The following FAM133B variants were observed in gnomAD, a reference collection of about 807,000 sequenced individuals.
The protein encoded by FAM133B is family with sequence similarity 133 member B.
In FAM133B, 25 loss-of-function variants were observed where a neutral mutation model predicts 46.4. The ratio of observed to expected loss-of-function variants is 0.54; its 90% confidence interval spans 0.39 to 0.75. The LOEUF (loss-of-function observed/expected upper bound fraction) is 0.75. Among genes scored for constraint, FAM133B ranks in the 30% least tolerant of loss-of-function variants. The pLI is 0.00. For missense variants in FAM133B, 205 were observed against 277.6 expected (o/e 0.74, Z 1.86); for synonymous variants, 75 against 86.0 (o/e 0.87, Z 0.71).
intron 2 of FAM133B, among the ~76,000 whole-genome samples, chr7:92,579,935 G>C (rs191819997): frequency 2.6e-5 from 4 of 152,310 alleles, no homozygotes; most frequent in Non-Finnish European, 5.9e-5. Context: ...ATACTTAAAA[G>C]ACTGGCCCTA....
chr7:92,581,809 TGTGTGTG>T (rs1244309967), intron 1 of FAM133B: 10 of 433,464 alleles, frequency 2.3e-5, no homozygotes, highest in African/African-American at 2.2e-4. Flanking sequence ...TGTGTGTGTG[TGTGTGTG>T]TGTGTGTGTG....
intron 1 of FAM133B, among the ~76,000 whole-genome samples, chr7:92,588,570 T>C (rs1278905970): frequency 6.6e-6 from 1 of 152,180 alleles, no homozygotes; most frequent in African/African-American, 2.4e-5. Flanking sequence ...TCCTAGACAT[T>C]TTCCATTATA....
At chr7:92,565,944 A>C (rs1794333375) in intron 10 of FAM133B, 70 bp downstream of exon 10, 1 of 1,514,552 alleles carries the variant, frequency 6.6e-7, no homozygotes, top group African/African-American at 1.4e-5. Context: ...ATCAAGCTTT[A>C]CCATGACTCA....
intron 1 of FAM133B, among the ~76,000 whole-genome samples, chr7:92,586,439 A>C (rs531262257): frequency 6.6e-6 from 1 of 152,360 alleles, no homozygotes; most frequent in African/African-American, 2.4e-5. Flanking sequence ...TTTTTGTATC[A>C]GTGTGAAAAA....
At position 92,575,761 on chromosome 7, in the gene FAM133B, GTA is replaced by G; in HGVS notation, c.516+8_516+9del. 1 of 1,347,422 alleles carries G rather than the reference GTA, an allele frequency of 7.4e-7. No individual in the cohort carries two copies. The allele number at this position is 1,347,422 out of a possible 1,614,324, so 83.5% of individuals were successfully genotyped here. On this transcript the variant is annotated splice_region_variant and intron_variant, in intron 8 of 10. Coordinates refer to ENST00000445716, the MANE Select transcript of FAM133B (RefSeq NM_152789.4). ...CAGACTATCTTAAGGCAATGTAAAA[GTA>G]TAGTTACCTTTTCTTTCTCAGTTCC... is the stretch of plus-strand genomic sequence containing the variant.
intron 10 of FAM133B, among the ~76,000 whole-genome samples, chr7:92,563,469 T>A (rs1175398577): frequency 6.6e-6 from 1 of 152,182 alleles, no homozygotes; most frequent in South Asian, 2.1e-4. Context: ...TTTTCTTCTA[T>A]CACAAAGACC....
intron 8 of FAM133B, among the ~76,000 whole-genome samples, chr7:92,574,608 T>A (rs1585305265): frequency 6.6e-6 from 1 of 152,170 alleles, no homozygotes; most frequent in Non-Finnish European, 1.5e-5. Flanking sequence ...TCATTTTCTA[T>A]CATTAAAAAA....
chr7:92,579,183 C>T (rs944982433), intron 3 of FAM133B, 134 bp downstream of exon 3: 2 of 653,674 alleles, frequency 3.1e-6, no homozygotes, highest in African/African-American at 1.9e-5. Flanking sequence ...CGGGGGGGGG[C>T]CTTACTTTGT....
At position 92,570,561 on chromosome 7, in the gene FAM133B, T is replaced by C. The variant is rs557948135; in HGVS notation, c.517-646A>G. On this transcript the variant is annotated intron_variant, in intron 8 of 10. Coordinates refer to ENST00000445716, the MANE Select transcript of FAM133B (RefSeq NM_152789.4). ...ATTTATTCGAGCTGCATAGTGGATA[T>C]GCTGGTTATCATTTTATTATTTTTC... Among the ~76,000 whole-genome samples, 97 of 152,282 alleles carry C rather than the reference T, an allele frequency of 6.4e-4. 2 individuals are homozygous for C. The highest frequency in any genetic ancestry group is 1.6e-4 in the Non-Finnish European group (11 of 67,972).
chr7:92,580,294 T>G (rs1794830613), intron 2 of FAM133B, among the ~76,000 whole-genome samples: 1 of 150,378 alleles, frequency 6.6e-6, no homozygotes, highest in East Asian at 2.0e-4. Context: ...AGCATCTTGC[T>G]ACGTTGCCCA....
At chr7:92,579,899 G>T (rs573615991) in intron 2 of FAM133B, among the ~76,000 whole-genome samples, 2 of 152,102 alleles carry the variant, frequency 1.3e-5, no homozygotes, top group Non-Finnish European at 2.9e-5. Flanking sequence ...AATACAGCTC[G>T]CCTGACTGCT....
intron 6 of FAM133B, 132 bp from the exon 7 acceptor site, chr7:92,577,327 T>C (rs1794732924): frequency 5.6e-6 from 3 of 537,890 alleles, no homozygotes; most frequent in Non-Finnish European, 9.3e-6. Flanking sequence ...TTCTTAATAC[T>C]TAATACATCA....
At chr7:92,576,369 C>T (rs1297431341) in intron 7 of FAM133B, among the ~76,000 whole-genome samples, 1 of 149,092 alleles carries the variant, frequency 6.7e-6, no homozygotes, top group Non-Finnish European at 1.5e-5. Flanking sequence ...GAGACTAGCT[C>T]TTCTGCTTTA....
intron 3 of FAM133B, 96 bp downstream of exon 3, chr7:92,579,221 C>T (rs1243747082): frequency 1.9e-5 from 20 of 1,033,570 alleles, no homozygotes. Flanking sequence ...AACTCCTGGC[C>T]TCCCGTTTCG....
At chr7:92,580,258 A>C (rs887651529) in intron 2 of FAM133B, among the ~76,000 whole-genome samples, 29 of 151,032 alleles carry the variant, frequency 1.9e-4, no homozygotes, top group Non-Finnish European at 3.4e-4. Flanking sequence ...AAAAAAAAAA[A>C]ACACATAAAT....
chr7:92,578,308 AGTG>A lies in FAM133B; in HGVS notation c.276+8_276+10del. ...AGATTAAGAATAGCAATAAACTAAA[AGTG>A]GTATTACCTGTCTTTTTTTGGATGA... On this transcript the variant is annotated splice_region_variant and intron_variant, in intron 4 of 10. Transcript: ENST00000445716. The A allele has an allele frequency of 6.2e-7, 1 of 1,612,628 alleles. No homozygotes were observed. Among genetic ancestry groups the A allele is most frequent in the Non-Finnish European group, 8.5e-7 (1 of 1,178,872 alleles).
chr7:92,566,440 A>G (rs1377706326), intron 9 of FAM133B, among the ~76,000 whole-genome samples: 1 of 151,648 alleles, frequency 6.6e-6, no homozygotes, highest in South Asian at 2.1e-4. Context: ...CCTGAGCAAC[A>G]TAGTGAGAGC....
chr7:92,582,837 G>C (rs1354379376), intron 1 of FAM133B, among the ~76,000 whole-genome samples: 1 of 152,154 alleles, frequency 6.6e-6, no homozygotes, highest in Admixed American at 6.6e-5. Flanking sequence ...AAAATTGCAA[G>C]GGTTAGCAAG....
rs1481149638 is a variant in FAM133B, at chr7:92,577,167, T to C, written c.401A>G (p.Lys134Arg). 6.0e-6 allele frequency: 9 copies of C among 1,500,668 alleles called. No individual in the cohort carries two copies. In the Admixed American group the frequency reaches 8.8e-5, roughly 15 times the overall value. 93.0% of individuals were successfully genotyped at this position (1,500,668 alleles called of 1,614,324 possible). A position where few individuals can be genotyped will look rare whatever the true frequency, so the allele number is the denominator to read the frequency against. Residue 134 changes from lysine to arginine, a missense_variant, in exon 7 of 11, where the codon AAA (lysine) becomes AGA (arginine). Physicochemically the swap from Lys to Arg is conservative, Grantham distance 26 (BLOSUM62 2). Coordinates refer to ENST00000445716, the MANE Select transcript of FAM133B (RefSeq NM_152789.4). ...AGATTTATGTGAACGGTTCTTCTTT[T>C]TCTTTCTCCGTTTTCCTTGTTTCTT... ...EDKKQGKRRKKKKNRSHKSSE... is the reference protein window; with the variant it reads ...EDKKQGKRRKRKKNRSHKSSE...
Sources: gnomAD v4.1 joint callset for allele counts (sites outside exome capture counted in the v4.1 genomes callset) on GRCh38, gnomAD v4.1.1 for gene constraint, MANE v1.5 for transcripts, NCBI Gene and HGNC (gene_info 2026-07-23, HGNC 2026-07-21) for gene names.